The following SULT6B1 variants were observed in gnomAD, a reference collection of about 807,000 sequenced individuals.
SULT6B1 encodes the protein sulfotransferase family 6B member 1.
A neutral mutation model predicts 37.2 loss-of-function variants in SULT6B1; 44 were observed. The ratio of observed to expected loss-of-function variants is 1.18; its 90% CI spans 0.93 to 1.52. SULT6B1 has a LOEUF of 1.52. Ranked by LOEUF, SULT6B1 falls within the 40% of genes most tolerant of loss-of-function variation. The pLI is 0.00. For missense variants in SULT6B1, 450 were observed against 361.0 expected (o/e 1.25, Z -2.00); for synonymous variants, 140 against 126.0 (o/e 1.11, Z -0.74).
In SULT6B1 at chr2:37,188,466, C is replaced by T. The variant is rs766408584; in HGVS notation, c.175G>A (p.Val59Met). 5.6e-6 allele frequency: 9 copies of T among 1,613,756 alleles called. No homozygotes were observed. The highest frequency in any genetic ancestry group is 4.0e-5 in the African/African-American group (3 of 74,890). Residue 59 changes from valine (V) to methionine (M), a missense_variant, in exon 1 of 7, where the codon GTG (valine) becomes ATG (methionine). Physicochemically the swap from Val to Met is conservative, Grantham distance 21. Transcript: ENST00000535679. ...DTFEARHDDIVLASYPKCGSN... is the reference protein window; with the variant it reads ...DTFEARHDDIMLASYPKCGSN... ...CCGCACTTTGGATAAGATGCTAGCA[C>T]GATGTCATCATGTCTGGCTTCGAAG...
At chr2:37,177,657 GA>G (rs1464409563) in intron 4 of SULT6B1, among the ~76,000 whole-genome samples, 2 of 152,042 alleles carry the variant, frequency 1.3e-5, no homozygotes, top group African/African-American at 4.8e-5. Context: ...GACAGTTAAT[GA>G]TGACAGTTAA....
intron 1 of SULT6B1, among the ~76,000 whole-genome samples, chr2:37,195,774 C>T (rs1676906108): frequency 6.6e-6 from 1 of 151,976 alleles, no homozygotes; most frequent in Non-Finnish European, 1.5e-5. Context: ...ACTTTGCAAA[C>T]GAATTCTTTA....
intron 1 of SULT6B1, among the ~76,000 whole-genome samples, chr2:37,194,894 TTCTTTCC>T (rs1676870935): frequency 8.3e-4 from 25 of 30,008 alleles, no homozygotes; most frequent in South Asian, 1.4e-3. Context: ...CCTTCCTTCC[TTCTTTCC>T]TTCCTTCCTT....
Position 37,167,833 on chromosome 2 carries a change from T to G in SULT6B1, c.*102A>C. ...GTATTGTATTATTTAGATTTCAATATTGTTTAATTATTATTTGATTATTTG... is the reference window on the plus strand; with the variant it reads ...GTATTGTATTATTTAGATTTCAATAGTGTTTAATTATTATTTGATTATTTG... On this transcript the variant is annotated 3_prime_UTR_variant, in exon 7 of 7. Transcript: ENST00000535679. The G allele has an allele frequency of 9.8e-7, 1 of 1,016,268 alleles. No homozygotes were observed. Among genetic ancestry groups the G allele is most frequent in the Non-Finnish European group, 1.3e-6 (1 of 741,140 alleles). The allele number at this position is 1,016,268 out of a possible 1,614,324, so 63.0% of individuals were successfully genotyped here. A position where few individuals can be genotyped will look rare whatever the true frequency, so the allele number is the denominator to read the frequency against.
chr2:37,193,292 C>CT (rs1274857523), upstream of SULT6B1, among the ~76,000 whole-genome samples: 1 of 73,074 alleles, frequency 1.4e-5, no homozygotes, highest in Non-Finnish European at 2.4e-5. Context: ...TCTGTCTCTA[C>CT]TTAAAAAAAA....
chr2:37,171,649 A>T, intron 5 of SULT6B1, 59 bp from the exon 6 acceptor site: 1 of 1,548,136 alleles, frequency 6.5e-7, no homozygotes, highest in South Asian at 1.2e-5. Flanking sequence ...CTCTGAGCTG[A>T]GACAGACTTT....
At chr2:37,174,934 G>A (rs751498690) in intron 5 of SULT6B1, among the ~76,000 whole-genome samples, 198 bp downstream of exon 5, 14 of 152,010 alleles carry the variant, frequency 9.2e-5, no homozygotes, top group Admixed American at 2.0e-4. Flanking sequence ...GTTGCTAAGC[G>A]TTATTTTATT....
chr2:37,194,261 G>T (rs1212824121), intron 1 of SULT6B1: 1 of 171,984 alleles, frequency 5.8e-6, no homozygotes, highest in Non-Finnish European at 1.2e-5. Context: ...TGTATTTTTA[G>T]TAGAGACAGG....
intron 2 of SULT6B1, among the ~76,000 whole-genome samples, chr2:37,185,103 C>T (rs1676643128): frequency 6.6e-6 from 1 of 152,044 alleles, no homozygotes; most frequent in Non-Finnish European, 1.5e-5. Context: ...CAAAATTGCA[C>T]AGGTGGTTAT....
chr2:37,189,140 G>A (rs546644924), upstream of SULT6B1, among the ~76,000 whole-genome samples: 2 of 152,236 alleles, frequency 1.3e-5, no homozygotes, highest in Admixed American at 1.3e-4. Context: ...CTCATTTACT[G>A]GCTCAATAGA....
At chr2:37,182,073 C>T (rs1206881399) in intron 3 of SULT6B1, among the ~76,000 whole-genome samples, 1 of 152,084 alleles carries the variant, frequency 6.6e-6, no homozygotes, top group Non-Finnish European at 1.5e-5. Context: ...CACAAAGCTG[C>T]TCATTCTAAA....
chr2:37,179,419 C>T (rs369858623), intron 4 of SULT6B1, 39 bp downstream of exon 4: 1 of 1,609,362 alleles, frequency 6.2e-7, no homozygotes, highest in South Asian at 1.1e-5. Context: ...ATGTGGTCAT[C>T]TGATCAAGTA....
In SULT6B1 at chr2:37,167,968, T is replaced by C; in HGVS notation, c.879A>G (p.Ala293=). The change falls in exon 7 of 7, where the codon GCA becomes GCG. Residue 293 remains alanine, a synonymous_variant. Transcript: ENST00000535679. ...GGCAATATGATTCATACTTCAACTT[T>C]GCTCCGAGGGAGGTGCCTGCTAAGC... ...KECLAGTSLG[A]KLKYESYCQG is the part of the protein sequence containing the mutation. 3 of 1,599,872 alleles carry C rather than the reference T, an allele frequency of 1.9e-6. No homozygotes were observed. In the South Asian group the frequency reaches 3.4e-5, roughly 18 times the overall value.
At chr2:37,180,179 T>G (rs1306637457) in intron 3 of SULT6B1, among the ~76,000 whole-genome samples, 1 of 152,210 alleles carries the variant, frequency 6.6e-6, no homozygotes, top group Non-Finnish European at 1.5e-5. Flanking sequence ...TGCTCTGAGT[T>G]CAGCCTTCTG....
intron 5 of SULT6B1, among the ~76,000 whole-genome samples, chr2:37,172,050 A>AT (rs58709199): frequency 3.6e-4 from 53 of 146,960 alleles, no homozygotes; most frequent in Middle Eastern, 3.4e-3. Flanking sequence ...AACTTGAAGA[A>AT]TTTTTTTTTT....
intron 5 of SULT6B1, among the ~76,000 whole-genome samples, chr2:37,172,624 C>G (rs138834852): frequency 0.018 from 2,702 of 152,086 alleles, 43 homozygotes; most frequent in Non-Finnish European, 0.029. Context: ...TCTCCTGCCT[C>G]AGCCTCCTGA....
upstream of SULT6B1, among the ~76,000 whole-genome samples, chr2:37,193,377 G>A (rs576366975): frequency 4.0e-5 from 6 of 151,838 alleles, no homozygotes; most frequent in South Asian, 2.1e-4. Flanking sequence ...CAAGAGAATC[G>A]CTTGAATCCG....
intron 3 of SULT6B1, among the ~76,000 whole-genome samples, chr2:37,181,719 G>A (rs777006083): frequency 2.6e-5 from 4 of 152,042 alleles, no homozygotes; most frequent in Non-Finnish European, 5.9e-5. Context: ...TCTTACAAAT[G>A]TGAAACTCTG....
intron 6 of SULT6B1, among the ~76,000 whole-genome samples, chr2:37,170,638 G>T (rs1483238485): frequency 1.3e-5 from 2 of 151,046 alleles, no homozygotes; most frequent in African/African-American, 4.9e-5. Flanking sequence ...AGGCGTGGTG[G>T]CGCACACAAG....
Sources: allele counts gnomAD v4.1 joint callset (sites outside exome capture counted in the v4.1 genomes callset), GRCh38; gene constraint gnomAD v4.1.1; transcripts MANE v1.5; gene names NCBI Gene and HGNC (gene_info 2026-07-23, HGNC 2026-07-21).